PSMC4: variants seen among roughly 807,000 people sequenced by gnomAD.
PSMC4 encodes 26S proteasome regulatory subunit 6B.
PSMC4 carries 13 observed loss-of-function variants against 48.4 expected under a neutral mutation model. The observed-to-expected ratio is 0.27, with a 90% CI of 0.18 to 0.43. The LOEUF is 0.43. Among genes scored for constraint, PSMC4 ranks in the 20% least tolerant of loss-of-function variants. PSMC4 has a pLI of 1.00. For missense variants in PSMC4, 262 were observed against 555.9 expected (o/e 0.47, Z 5.32); for synonymous variants, 202 against 212.3 (o/e 0.95, Z 0.42).
At position 39,975,094 on chromosome 19, in the gene PSMC4, A is replaced by G. The variant is rs918921651; in HGVS notation, c.673+266A>G. On this transcript the variant is annotated intron_variant, in intron 6 of 10. Coordinates refer to ENST00000157812, the MANE Select transcript of PSMC4 (RefSeq NM_006503.4). ...GACCTATTAGTAATTATGAATTTCA[A>G]TTTGTGGGTTGCAGCCAGTATTTTG... Among the ~76,000 whole-genome samples, 5 of 152,274 alleles carry G rather than the reference A, an allele frequency of 3.3e-5. 1 individual carries two copies. Among genetic ancestry groups the G allele is most frequent in the African/African-American group, 2.4e-5 (1 of 41,534 alleles).
At chr19:39,972,982 G>T (rs888809216) in intron 3 of PSMC4, among the ~76,000 whole-genome samples, 4 of 152,006 alleles carry the variant, frequency 2.6e-5, no homozygotes, top group African/African-American at 4.8e-5. Context: ...CTGACCTCAG[G>T]CGATCCACCC....
chr19:39,974,237 G>C lies in PSMC4; in HGVS notation c.323-57G>C. ...GGTGTGGAGATTAGGAGGGAGGAAG[G>C]GGGAAGGGGCAGTTTCCAGGCTGAC... is the stretch of plus-strand genomic sequence containing the variant. On this transcript the variant is annotated intron_variant, in intron 3 of 10. Transcript: ENST00000157812. The surrounding 1 kb of genome is among the most constrained non-coding windows in gnomAD (Gnocchi z 5.5). 6.3e-7 allele frequency: 1 copy of C among 1,597,166 alleles called. No individual in the cohort carries two copies. The highest frequency in any genetic ancestry group is 1.7e-5 in the Admixed American group (1 of 59,450).
Position 39,974,838 on chromosome 19 carries a change from T to C in PSMC4, c.673+10T>C, listed in dbSNP as rs1971172426. 1 of 1,610,120 alleles carries C rather than the reference T, an allele frequency of 6.2e-7. No homozygotes were observed. Among genetic ancestry groups the C allele is most frequent in the Non-Finnish European group, 8.5e-7 (1 of 1,176,678 alleles). On this transcript the variant is annotated intron_variant, in intron 6 of 10. Coordinates refer to ENST00000157812, the MANE Select transcript of PSMC4 (RefSeq NM_006503.4). This position sits in a 1 kb window ranked among gnomAD's most constrained non-coding sequence, Gnocchi z 5.5. ...GCACATCACACAACAGGTGAGCCCT[T>C]TCGCCCCTGCCCCGAGCTCTCATCT...
chr19:39,978,441 GAA>G (rs1971239512), intron 6 of PSMC4, among the ~76,000 whole-genome samples: 1 of 152,148 alleles, frequency 6.6e-6, no homozygotes, highest in Non-Finnish European at 1.5e-5. Flanking sequence ...GTTTAGAGCA[GAA>G]AAAGTCAGAA....
intron 6 of PSMC4, among the ~76,000 whole-genome samples, chr19:39,976,142 C>T (rs1971193589): frequency 1.3e-5 from 2 of 151,124 alleles, no homozygotes; most frequent in South Asian, 4.2e-4. Context: ...GAGGCTGAGG[C>T]AGGAGAATGG....
Position 39,972,572 on chromosome 19 carries a change from T to C in PSMC4, c.322+17T>C. ...CTACCACAGGTGTGCTAAGGACACC[T>C]CATTCATTCATCTGTCCACTTAACA... On this transcript the variant is annotated intron_variant, in intron 3 of 10. Transcript: ENST00000157812. 1 of 1,595,904 alleles carries C rather than the reference T, an allele frequency of 6.3e-7. No individual in the cohort carries two copies. The highest frequency in any genetic ancestry group is 8.6e-7 in the Non-Finnish European group (1 of 1,168,194).
chr19:39,978,645 C>T (rs2144617931), intron 6 of PSMC4, among the ~76,000 whole-genome samples: 1 of 152,206 alleles, frequency 6.6e-6, no homozygotes, highest in African/African-American at 2.4e-5. Context: ...TCTCTGGTGG[C>T]TGGAAGGAGA....
chr19:39,976,026 A>G (rs1971191969), intron 6 of PSMC4, among the ~76,000 whole-genome samples: 1 of 151,944 alleles, frequency 6.6e-6, no homozygotes, highest in East Asian at 1.9e-4. Flanking sequence ...AGGTGGGAGG[A>G]TCACGAGATC....
intron 6 of PSMC4, among the ~76,000 whole-genome samples, chr19:39,978,076 C>G (rs1454117348): frequency 6.6e-6 from 1 of 152,216 alleles, no homozygotes; most frequent in East Asian, 1.9e-4. Context: ...CCTCCTGCCT[C>G]AGCTCCCCAA....
chr19:39,981,289 A>C lies in PSMC4; in HGVS notation c.1241A>C (p.His414Pro). Reference sequence around the variant, plus strand: ...GTCATCAAGAAGGACGAGCAGGAGCATGAGTTTTACAAGTGACCCTTCCCT... The same window carrying C: ...GTCATCAAGAAGGACGAGCAGGAGCCTGAGTTTTACAAGTGACCCTTCCCT... ...KTVIKKDEQE[H>P]EFYK Residue 414 changes from histidine (H) to proline (P), a missense_variant, in exon 11 of 11, where the codon CAT becomes CCT. His to Pro is a moderately conservative substitution (Grantham distance 77, BLOSUM62 -2). Transcript: ENST00000157812. 1 of 1,613,850 alleles carries C rather than the reference A, an allele frequency of 6.2e-7. No homozygotes were observed. Among genetic ancestry groups the C allele is most frequent in the Non-Finnish European group, 8.5e-7 (1 of 1,179,736 alleles).
At position 39,980,795 on chromosome 19, in the gene PSMC4, C is replaced by A; in HGVS notation, c.1143+78C>A. 7.0e-7 allele frequency: 1 copy of A among 1,436,902 alleles called. No individual in the cohort carries two copies. 89.0% of individuals were successfully genotyped at this position (1,436,902 alleles called of 1,614,324 possible). On this transcript the variant is annotated intron_variant, in intron 10 of 10. Transcript: ENST00000157812. This position sits in a 1 kb window ranked among gnomAD's most constrained non-coding sequence, Gnocchi z 4.8. ...TTCTCTGAACCACTCTGCTGCAGTC[C>A]TGTCCCCTCATGGCTGCCCTGGGTC...
rs954798717 is a variant in PSMC4, at chr19:39,980,584, CAG to C, written c.1088-74_1088-73del. ...AAGGTCCAGGGAGGAGGGGAGGTGA[CAG>C]AGATGGCCAAAGATGACTTCCAGCC... is the stretch of plus-strand genomic sequence containing the variant. On this transcript the variant is annotated intron_variant, in intron 9 of 10. Coordinates refer to ENST00000157812, the MANE Select transcript of PSMC4 (RefSeq NM_006503.4). This position sits in a 1 kb window ranked among gnomAD's most constrained non-coding sequence, Gnocchi z 4.8. 7.6e-6 allele frequency: 12 copies of C among 1,588,942 alleles called. No homozygotes were observed. The South Asian group carries it at 7.7e-5, about 10-fold the overall frequency.
At position 39,976,122 on chromosome 19, in the gene PSMC4, A is replaced by G. The variant is rs1971193315; in HGVS notation, c.673+1294A>G. 2.0e-5 allele frequency among the ~76,000 whole-genome samples: 3 copies of G among 151,870 alleles called. No homozygotes were observed. The South Asian group carries it at 6.2e-4, about 32-fold the overall frequency. On this transcript the variant is annotated intron_variant, in intron 6 of 10. Transcript: ENST00000157812. ...TGTGGTGGCGGTCGCCTGTAGTCCCAGCTACTTGGGAGGCTGAGGCAGGAG... is the reference window on the plus strand; with the variant it reads ...TGTGGTGGCGGTCGCCTGTAGTCCCGGCTACTTGGGAGGCTGAGGCAGGAG...
chr19:39,981,168 A>G (rs776875869), intron 10 of PSMC4, 24 bp from the exon 11 acceptor site: 1 of 1,589,456 alleles, frequency 6.3e-7, no homozygotes, highest in East Asian at 2.2e-5. Context: ...CAGGAAGTAG[A>G]TTTTAACTCT....
At position 39,980,197 on chromosome 19, in the gene PSMC4, A is replaced by G. The variant is rs753071994; in HGVS notation, c.918+51A>G. 2 of 1,613,526 alleles carry G rather than the reference A, an allele frequency of 1.2e-6. No individual in the cohort carries two copies. Among genetic ancestry groups the G allele is most frequent in the East Asian group, 2.2e-5 (1 of 44,866 alleles). The stretch of plus-strand genomic sequence containing the variant: ...GAGGTGTGGTGTAGGAACTGGGGAA[A>G]GTTGGGGGCTGGCACCTAAGGGGTG... On this transcript the variant is annotated intron_variant, in intron 8 of 10. Transcript: ENST00000157812. This position sits in a 1 kb window ranked among gnomAD's most constrained non-coding sequence, Gnocchi z 4.8.
At chr19:39,971,419 G>A (rs894008317) in intron 1 of PSMC4, among the ~76,000 whole-genome samples, 181 bp downstream of exon 1, 2 of 152,168 alleles carry the variant, frequency 1.3e-5, no homozygotes, top group Non-Finnish European at 2.9e-5. Context: ...GTGATGGTAG[G>A]AGGTAAGGCT....
chr19:39,976,853 T>A (rs1439020755), intron 6 of PSMC4, among the ~76,000 whole-genome samples: 1 of 146,330 alleles, frequency 6.8e-6, no homozygotes, highest in Non-Finnish European at 1.5e-5. Flanking sequence ...GTGATTTTTT[T>A]TTTTTTTTTT....
rs1246785136 is a variant in PSMC4 at position 39,974,159 on chromosome 19, G to A, written c.323-135G>A. 3.4e-5 allele frequency: 36 copies of A among 1,047,746 alleles called. No individual in the cohort carries two copies. The highest frequency in any genetic ancestry group is 4.8e-5 in the Non-Finnish European group (35 of 729,716). The allele number at this position is 1,047,746 out of a possible 1,614,324, so 64.9% of individuals were successfully genotyped here. ...GAATACTGGGGACGGACAGCAGGAG[G>A]GAAGGCTGGAGGCCGAGAGGGGACC... is the stretch of plus-strand genomic sequence containing the variant. On this transcript the variant is annotated intron_variant, in intron 3 of 10. Coordinates refer to ENST00000157812, the MANE Select transcript of PSMC4 (RefSeq NM_006503.4). The surrounding 1 kb of genome is among the most constrained non-coding windows in gnomAD (Gnocchi z 5.5).
rs1336067751 is a variant in PSMC4 at position 39,979,801 on chromosome 19, G to T, written c.674-16G>T. The T allele has an allele frequency of 1.9e-6, 3 of 1,606,764 alleles. No homozygotes were observed. The highest frequency in any genetic ancestry group is 1.7e-4 in the Middle Eastern group (1 of 5,970). Reference sequence around the variant, plus strand: ...GGAGGCTCATTCCCGCCTAACTGTTGTCATCCTGTCATCAGCTGCATTCAT... The same window carrying T: ...GGAGGCTCATTCCCGCCTAACTGTTTTCATCCTGTCATCAGCTGCATTCAT... On this transcript the variant is annotated splice_polypyrimidine_tract_variant and intron_variant, in intron 6 of 10. Transcript: ENST00000157812.
Sources: allele counts gnomAD v4.1 joint callset (sites outside exome capture counted in the v4.1 genomes callset), GRCh38; gene constraint gnomAD v4.1.1; non-coding constraint Gnocchi (gnomAD v3.1); transcripts MANE v1.5; gene names NCBI Gene and HGNC (gene_info 2026-07-23, HGNC 2026-07-21).